The following SLC9C2 variants were observed in gnomAD, a reference collection of about 807,000 sequenced individuals.
SLC9C2 encodes the protein sodium/hydrogen exchanger 11.
Under a neutral mutation model 140.2 loss-of-function variants are expected in SLC9C2, and 75 were observed. The observed-to-expected ratio is 0.53, with a 90% CI of 0.44 to 0.65. The LOEUF (loss-of-function observed/expected upper bound fraction) is 0.65, where lower values mean the gene tolerates loss of function less well. SLC9C2 is among the 30% of genes least tolerant of loss of function. The probability of loss-of-function intolerance (pLI) is 0.00; values close to 1 mark genes in which losing one functional copy is unlikely to be tolerated. For missense variants in SLC9C2, 1,074 were observed against 1,331.8 expected (o/e 0.81, Z 3.01); for synonymous variants, 375 against 420.9 (o/e 0.89, Z 1.34).
chr1:173,597,311 T>G (rs1023725511), intron 4 of SLC9C2, among the ~76,000 whole-genome samples: 1 of 152,002 alleles, frequency 6.6e-6, no homozygotes, highest in Non-Finnish European at 1.5e-5. Context: ...TGGATGGTGA[T>G]GAGTACACTA....
chr1:173,545,076 GT>G, intron 13 of SLC9C2, among the ~76,000 whole-genome samples: 1 of 152,196 alleles, frequency 6.6e-6, no homozygotes, highest in Middle Eastern at 3.4e-3. Flanking sequence ...CAAATCAAGG[GT>G]GTGGCTGAAG....
At chr1:173,588,919 A>G (rs1432522678) in intron 4 of SLC9C2, among the ~76,000 whole-genome samples, 2 of 152,150 alleles carry the variant, frequency 1.3e-5, no homozygotes, top group Non-Finnish European at 2.9e-5. Flanking sequence ...ACAAAAAAAA[A>G]AATTAAAAAT....
At chr1:173,514,485 T>G (rs532959427) in intron 23 of SLC9C2, among the ~76,000 whole-genome samples, 24 of 152,268 alleles carry the variant, frequency 1.6e-4, no homozygotes, top group African/African-American at 5.1e-4. Context: ...CTGCTTTTTT[T>G]TTGTTTGTTT....
chr1:173,564,984 T>C (rs1215336560), intron 9 of SLC9C2, among the ~76,000 whole-genome samples: 1 of 147,132 alleles, frequency 6.8e-6, no homozygotes, highest in Admixed American at 6.8e-5. Flanking sequence ...TTTTTTTTTT[T>C]TGAGACAAAG....
At chr1:173,560,610 G>A (rs77384063) in intron 9 of SLC9C2, among the ~76,000 whole-genome samples, 3,434 of 152,118 alleles carry the variant, frequency 0.023, 141 homozygotes, top group African/African-American at 0.079. Flanking sequence ...TTCCACACTT[G>A]CCCAATAAAC....
intron 18 of SLC9C2, among the ~76,000 whole-genome samples, chr1:173,529,272 A>C (rs989951435): frequency 6.6e-6 from 1 of 152,048 alleles, no homozygotes; most frequent in Admixed American, 6.6e-5. Flanking sequence ...ATCAGGCCCA[A>C]AGAAGCATGA....
At chr1:173,527,126 T>C (rs1296159213) in intron 18 of SLC9C2, among the ~76,000 whole-genome samples, 1 of 152,148 alleles carries the variant, frequency 6.6e-6, no homozygotes, top group African/African-American at 2.4e-5. Flanking sequence ...ATTACAGGCA[T>C]AAGCCACCAC....
At position 173,534,437 on chromosome 1, in the gene SLC9C2, AC is replaced by A. The variant is rs779111851; in HGVS notation, c.1974+46del. 18 of 1,493,124 alleles carry A rather than the reference AC, an allele frequency of 1.2e-5. No homozygotes were observed. In the Admixed American group the frequency reaches 4.0e-4, roughly 33 times the overall value. The allele number at this position is 1,493,124 out of a possible 1,614,324, so 92.5% of individuals were successfully genotyped here. On this transcript the variant is annotated intron_variant, in intron 16 of 27. Coordinates refer to ENST00000367714, the MANE Select transcript of SLC9C2 (RefSeq NM_178527.4). ...TAATATGACAAAATAGATTCAAAAT[AC>A]CTGAATTGCTCTTTTTATAGATTCT...
At chr1:173,583,095 T>C (rs1400581760) in intron 6 of SLC9C2, among the ~76,000 whole-genome samples, 1 of 152,204 alleles carries the variant, frequency 6.6e-6, no homozygotes, top group Non-Finnish European at 1.5e-5. Flanking sequence ...AGGAACCCCT[T>C]TGGATACCAA....
chr1:173,589,178 A>C (rs1666020271), intron 4 of SLC9C2, among the ~76,000 whole-genome samples: 1 of 152,206 alleles, frequency 6.6e-6, no homozygotes, highest in Non-Finnish European at 1.5e-5. Flanking sequence ...CTTACATTTA[A>C]AATAGTTTGG....
intron 9 of SLC9C2, among the ~76,000 whole-genome samples, chr1:173,559,039 T>C (rs1200238452): frequency 6.6e-6 from 1 of 152,212 alleles, no homozygotes; most frequent in Non-Finnish European, 1.5e-5. Flanking sequence ...GTTATGAAGA[T>C]GAAATGAGAT....
chr1:173,576,670 A>T lies in SLC9C2; in HGVS notation c.893T>A (p.Val298Glu). The T allele has an allele frequency of 2.5e-6, 4 of 1,609,566 alleles. No individual in the cohort carries two copies. Among genetic ancestry groups the T allele is most frequent in the Non-Finnish European group, 3.4e-6 (4 of 1,177,294 alleles). Residue 298 changes from valine (V) to glutamate (E), a missense_variant, in exon 8 of 28, where the codon GTA becomes GAA. Val to Glu is a moderately radical substitution (Grantham distance 121). Transcript: ENST00000367714. ...ACGATAGGAAACTTACTTAGTAATTACAAGTTCGATCTTCGGTTTAAAAGT... is the reference window on the plus strand; with the variant it reads ...ACGATAGGAAACTTACTTAGTAATTTCAAGTTCGATCTTCGGTTTAAAAGT... Reference protein sequence around the residue: ...SLTFKPKIELVITKFLRIFSS... With the variant: ...SLTFKPKIELEITKFLRIFSS...
intron 26 of SLC9C2, among the ~76,000 whole-genome samples, chr1:173,503,758 T>C (rs1659442004): frequency 6.6e-6 from 1 of 152,234 alleles, no homozygotes; most frequent in South Asian, 2.1e-4. Context: ...TTGTTTCTAC[T>C]TGGCAACTAA....
chr1:173,550,487 G>A (rs916231631), intron 11 of SLC9C2, among the ~76,000 whole-genome samples: 4 of 150,184 alleles, frequency 2.7e-5, no homozygotes, highest in Admixed American at 2.7e-4. Flanking sequence ...TCGCCAGGCT[G>A]GAGTGCAGTG....
intron 8 of SLC9C2, among the ~76,000 whole-genome samples, chr1:173,573,636 A>C (rs1440815071): frequency 2.0e-5 from 3 of 152,184 alleles, no homozygotes; most frequent in Non-Finnish European, 4.4e-5. Flanking sequence ...CAGTGGGAGC[A>C]TGTCAACTCT....
rs553046569 is a variant in SLC9C2, at chr1:173,602,771, G to C, written c.-100C>G. 2.0e-5 allele frequency: 3 copies of C among 152,286 alleles called. No homozygotes were observed. In the South Asian group the frequency reaches 6.2e-4, roughly 32 times the overall value. 9.4% of individuals were successfully genotyped at this position (152,286 alleles called of 1,614,324 possible). ...CTTACCTTTGGTCCTTTGTTTTGCAGGTCTACAGGTCACAATGATTCTGGT... is the reference window on the plus strand; with the variant it reads ...CTTACCTTTGGTCCTTTGTTTTGCACGTCTACAGGTCACAATGATTCTGGT... On this transcript the variant is annotated 5_prime_UTR_variant, in exon 1 of 28. Transcript: ENST00000367714.
At chr1:173,509,534 T>C (rs1659891502) in intron 24 of SLC9C2, 34 bp downstream of exon 24, 2 of 1,461,908 alleles carry the variant, frequency 1.4e-6, no homozygotes, top group South Asian at 2.7e-5. Flanking sequence ...TGCATAAAAA[T>C]TCAATTTATT....
intron 14 of SLC9C2, 31 bp downstream of exon 14, chr1:173,536,911 G>T: frequency 6.8e-7 from 1 of 1,476,000 alleles, no homozygotes; most frequent in Non-Finnish European, 9.4e-7. Context: ...TTCAATTTTG[G>T]AAATATCAAT....
rs371719916 is a variant in SLC9C2 at position 173,507,042 on chromosome 1, C to G, written c.3040-1G>C. ...TCACACAGTTCTGAAACCTTAAGTCCTATAATAAAATTGCATTTTAGAAAA... is the reference window on the plus strand; with the variant it reads ...TCACACAGTTCTGAAACCTTAAGTCGTATAATAAAATTGCATTTTAGAAAA... On this transcript the variant is annotated splice_acceptor_variant, in intron 24 of 27. Coordinates refer to ENST00000367714, the MANE Select transcript of SLC9C2 (RefSeq NM_178527.4). LOFTEE classifies it high-confidence loss of function. 3.9e-6 allele frequency: 6 copies of G among 1,552,630 alleles called. No homozygotes were observed. The highest frequency in any genetic ancestry group is 5.2e-6 in the Non-Finnish European group (6 of 1,157,062).
Sources: allele counts gnomAD v4.1 joint callset (sites outside exome capture counted in the v4.1 genomes callset), GRCh38; gene constraint gnomAD v4.1.1; transcripts MANE v1.5; gene names NCBI Gene and HGNC (gene_info 2026-07-23, HGNC 2026-07-21).